The following CAMKMT variants were observed in gnomAD, a reference collection of about 807,000 sequenced individuals.
CAMKMT encodes CaM KMT.
A neutral mutation model predicts 48.0 loss-of-function variants in CAMKMT; 53 were observed. The ratio of observed to expected loss-of-function variants is 1.10; its 90% CI spans 0.89 to 1.39. The LOEUF is 1.39. CAMKMT is among the 40% of genes most tolerant of loss of function. CAMKMT has a pLI of 0.00. For synonymous variants in CAMKMT, 165 were observed against 152.3 expected, an observed-to-expected ratio of 1.08 and a Z score of -0.61; for missense variants, 428 against 402.7, an observed-to-expected ratio of 1.06 and a Z score of -0.54.
intron 3 of CAMKMT, among the ~76,000 whole-genome samples, chr2:44,535,530 A>G (rs569611974): frequency 1.3e-5 from 2 of 152,204 alleles, no homozygotes; most frequent in Admixed American, 6.5e-5. Context: ...CATCAAAATG[A>G]TAATACACCA....
intron 3 of CAMKMT, among the ~76,000 whole-genome samples, chr2:44,474,936 A>G (rs1312342706): frequency 6.6e-6 from 1 of 152,216 alleles, no homozygotes; most frequent in Admixed American, 6.5e-5. Flanking sequence ...TATGACATTC[A>G]TCGTGAAAGA....
intron 3 of CAMKMT, among the ~76,000 whole-genome samples, chr2:44,460,780 T>G (rs1667808147): frequency 6.7e-6 from 1 of 148,512 alleles, no homozygotes; most frequent in Non-Finnish European, 1.5e-5. Flanking sequence ...GAGTGTGCAG[T>G]GGCATGATCT....
chr2:44,665,725 A>G lies in CAMKMT; in HGVS notation c.377-38558A>G, dbSNP rs150210038. 2.2e-4 allele frequency among the ~76,000 whole-genome samples: 34 copies of G among 152,284 alleles called. 1 individual carries two copies. In the East Asian group the frequency reaches 6.0e-3, roughly 27 times the overall value. On this transcript the variant is annotated intron_variant, in intron 3 of 10. Coordinates refer to ENST00000378494, the MANE Select transcript of CAMKMT (RefSeq NM_024766.5). ...CTTTCCGTCTTCTTCAGTACCTAATATTGTCTTACATTTATATTCCCTGTA... is the reference window on the plus strand; with the variant it reads ...CTTTCCGTCTTCTTCAGTACCTAATGTTGTCTTACATTTATATTCCCTGTA...
chr2:44,603,589 C>G (rs775631087), intron 3 of CAMKMT, among the ~76,000 whole-genome samples: 3 of 152,188 alleles, frequency 2.0e-5, no homozygotes, highest in Non-Finnish European at 4.4e-5. Context: ...CTGCTTACTT[C>G]ACTAGAGTTT....
At chr2:44,686,245 T>G (rs184022408) in intron 3 of CAMKMT, among the ~76,000 whole-genome samples, 194 of 151,890 alleles carry the variant, frequency 1.3e-3, no homozygotes, top group Non-Finnish European at 2.4e-3. Flanking sequence ...TACAAAAAAT[T>G]AGCCGGGCAT....
At position 44,563,960 on chromosome 2, in the gene CAMKMT, G is replaced by A. The variant is rs375921829; in HGVS notation, c.377-140323G>A. Among the ~76,000 whole-genome samples the A allele has an allele frequency of 5.4e-4, 82 of 152,118 alleles. No individual in the cohort carries two copies. The South Asian group carries it at 0.015, about 27-fold the overall frequency. On this transcript the variant is annotated intron_variant, in intron 3 of 10. Transcript: ENST00000378494. Reference sequence around the variant, plus strand: ...TACATGTGCATATGTCTTTATAGCCGCATGATTTATAATCCTTTGGGTATA... The same window carrying A: ...TACATGTGCATATGTCTTTATAGCCACATGATTTATAATCCTTTGGGTATA...
At chr2:44,739,278 G>T (rs1267016722) in intron 7 of CAMKMT, among the ~76,000 whole-genome samples, 1 of 152,220 alleles carries the variant, frequency 6.6e-6, no homozygotes, top group East Asian at 1.9e-4. Flanking sequence ...TAGTAGTTTA[G>T]ACTGGGGAGA....
intron 3 of CAMKMT, among the ~76,000 whole-genome samples, chr2:44,654,099 C>A (rs2104050393): frequency 6.6e-6 from 1 of 152,192 alleles, no homozygotes; most frequent in African/African-American, 2.4e-5. Flanking sequence ...AAGCTAGTGC[C>A]CTGTCACTTA....
Position 44,772,316 on chromosome 2 carries a change from C to G in CAMKMT, c.*203C>G, listed in dbSNP as rs907336541. ...CCTCCCCGCCTCTTTTTACACTCTG[C>G]TTGTTGCTCGTCCTGCCCTAAACCT... On this transcript the variant is annotated 3_prime_UTR_variant, in exon 11 of 11. Transcript: ENST00000378494. 1 of 512,320 alleles carries G rather than the reference C, an allele frequency of 2.0e-6. No individual in the cohort carries two copies. The highest frequency in any genetic ancestry group is 3.5e-6 in the Non-Finnish European group (1 of 288,964). The allele number at this position is 512,320 out of a possible 1,614,324, so 31.7% of individuals were successfully genotyped here.
chr2:44,571,781 C>T (rs1379264476), intron 3 of CAMKMT, among the ~76,000 whole-genome samples: 2 of 151,956 alleles, frequency 1.3e-5, no homozygotes, highest in Non-Finnish European at 2.9e-5. Context: ...CGAGACCAGC[C>T]TGGTGGCAAC....
intron 2 of CAMKMT, among the ~76,000 whole-genome samples, chr2:44,379,910 C>T (rs1397177931): frequency 1.3e-5 from 2 of 151,896 alleles, no homozygotes; most frequent in Non-Finnish European, 2.9e-5. Flanking sequence ...CAAATATTTT[C>T]TCCTAGCCTG....
At chr2:44,431,155 C>T (rs1046941948) in intron 3 of CAMKMT, among the ~76,000 whole-genome samples, 1 of 152,098 alleles carries the variant, frequency 6.6e-6, no homozygotes. Flanking sequence ...TATTTTCCCT[C>T]TGAAGTAAGT....
chr2:44,695,511 T>A (rs985177283), intron 3 of CAMKMT, among the ~76,000 whole-genome samples: 1 of 152,196 alleles, frequency 6.6e-6, no homozygotes, highest in Non-Finnish European at 1.5e-5. Flanking sequence ...GATAAGAATA[T>A]GTCTTGGATT....
intron 3 of CAMKMT, among the ~76,000 whole-genome samples, chr2:44,519,870 T>A: frequency 6.6e-6 from 1 of 152,004 alleles, no homozygotes. Context: ...GCCTCCTGAG[T>A]AGCTGGGACT....
At chr2:44,719,955 G>T (rs1205839698) in intron 7 of CAMKMT, among the ~76,000 whole-genome samples, 1 of 152,186 alleles carries the variant, frequency 6.6e-6, no homozygotes, top group African/African-American at 2.4e-5. Flanking sequence ...AGACCGCTGA[G>T]AATTCTAGAG....
chr2:44,676,210 C>T (rs147525302), intron 3 of CAMKMT, among the ~76,000 whole-genome samples: 64 of 152,122 alleles, frequency 4.2e-4, no homozygotes, highest in African/African-American at 1.4e-3. Context: ...TTCCCTCTCT[C>T]GCTCTCTCTC....
rs1449596522 is a variant in CAMKMT, at chr2:44,591,489, C to G, written c.377-112794C>G. Among the ~76,000 whole-genome samples, 433 of 152,116 alleles carry G rather than the reference C, an allele frequency of 2.8e-3. 3 individuals carry two copies. The highest frequency in any genetic ancestry group is 5.2e-3 in the Non-Finnish European group (351 of 68,002). On this transcript the variant is annotated intron_variant, in intron 3 of 10. Coordinates refer to ENST00000378494, the MANE Select transcript of CAMKMT (RefSeq NM_024766.5). Reference sequence around the variant, plus strand: ...CTTCACGTCCCTTGTAAGTTGGATTCCTAGGTATTTTATTCTCTTTGAAGC... The same window carrying G: ...CTTCACGTCCCTTGTAAGTTGGATTGCTAGGTATTTTATTCTCTTTGAAGC...
chr2:44,492,889 C>CTT (rs11400501), intron 3 of CAMKMT, among the ~76,000 whole-genome samples: 347 of 142,750 alleles, frequency 2.4e-3, no homozygotes, highest in East Asian at 9.2e-3. Flanking sequence ...CATATTGTAT[C>CTT]TTTTTTTTTT....
At chr2:44,601,560 T>C (rs937774438) in intron 3 of CAMKMT, among the ~76,000 whole-genome samples, 1 of 152,026 alleles carries the variant, frequency 6.6e-6, no homozygotes, top group Non-Finnish European at 1.5e-5. Context: ...TTTATTTTCT[T>C]GGAGATACTA....
Sources: gnomAD v4.1 joint callset for allele counts (sites outside exome capture counted in the v4.1 genomes callset) on GRCh38, gnomAD v4.1.1 for gene constraint, MANE v1.5 for transcripts, NCBI Gene and HGNC (gene_info 2026-07-23, HGNC 2026-07-21) for gene names.